Variants in CNOT10 observed in about 807,000 individuals in gnomAD.
CNOT10 encodes CCR4-NOT transcription complex subunit 10, also known as CCR4-NOT transcription complex, subunit 10.
Under a neutral mutation model 94.6 loss-of-function variants are expected in CNOT10, and 30 were observed. The ratio of observed to expected loss-of-function variants is 0.32; its 90% CI spans 0.24 to 0.43. The LOEUF (loss-of-function observed/expected upper bound fraction) is 0.43, where lower values mean the gene tolerates loss of function less well. Ranked by LOEUF, CNOT10 falls within the 20% of genes least tolerant of loss-of-function variation. The pLI is 1.00. For synonymous variants in CNOT10, 289 were observed against 301.6 expected (o/e 0.96, Z 0.43); for missense variants, 759 against 877.2 (o/e 0.87, Z 1.70).
intron 1 of CNOT10, among the ~76,000 whole-genome samples, chr3:32,703,321 C>A (rs1177499913): frequency 6.6e-6 from 1 of 151,958 alleles, no homozygotes; most frequent in African/African-American, 2.4e-5. Flanking sequence ...TACAGTAGTC[C>A]CCCACCTTTT....
At chr3:32,697,814 G>A (rs893756568) in intron 1 of CNOT10, among the ~76,000 whole-genome samples, 3 of 152,142 alleles carry the variant, frequency 2.0e-5, no homozygotes, top group East Asian at 1.9e-4. Flanking sequence ...AAACTCAATA[G>A]CAAACTAAGA....
intron 1 of CNOT10, chr3:32,695,816 A>G: frequency 6.5e-7 from 1 of 1,535,878 alleles, no homozygotes. Context: ...GATTATGTGC[A>G]GACTCTGTCT....
intron 9 of CNOT10, among the ~76,000 whole-genome samples, chr3:32,726,380 A>G (rs1007681802): frequency 6.6e-6 from 1 of 152,126 alleles, no homozygotes; most frequent in South Asian, 2.1e-4. Context: ...AAATCAAACA[A>G]TTATTTAGCT....
intron 3 of CNOT10, among the ~76,000 whole-genome samples, chr3:32,706,489 C>T (rs1292309778): frequency 2.0e-5 from 3 of 152,176 alleles, no homozygotes; most frequent in Non-Finnish European, 2.9e-5. Context: ...TTCTTTAAAT[C>T]ATACTTCTGT....
At chr3:32,705,118 A>G in intron 3 of CNOT10, 146 bp downstream of exon 3, 1 of 637,204 alleles carries the variant, frequency 1.6e-6, no homozygotes, top group South Asian at 2.8e-5. Flanking sequence ...CCGTAAAATT[A>G]TTATTCCAGG....
chr3:32,728,188 G>A (rs923822209), intron 10 of CNOT10, among the ~76,000 whole-genome samples: 1 of 151,608 alleles, frequency 6.6e-6, no homozygotes, highest in Non-Finnish European at 1.5e-5. Flanking sequence ...TAGAGACGAG[G>A]TTTCACCATG....
chr3:32,745,432 A>G (rs1012776589), intron 13 of CNOT10, among the ~76,000 whole-genome samples: 14 of 150,170 alleles, frequency 9.3e-5, no homozygotes, highest in East Asian at 2.0e-4. Context: ...TGAACCACTC[A>G]ATGCTGTATG....
rs141965854 is a variant in CNOT10 at position 32,747,093 on chromosome 3, G to A, written c.1595+9603G>A. On this transcript the variant is annotated intron_variant, in intron 13 of 18. Coordinates refer to ENST00000328834, the MANE Select transcript of CNOT10 (RefSeq NM_015442.3). ...GATTGTGCCACTGCACTCTAGCCTG[G>A]GCGACAGAGCAAGACTCTGTCTCAA... is the stretch of plus-strand genomic sequence containing the variant. Among the ~76,000 whole-genome samples the A allele has an allele frequency of 7.0e-3, 1,064 of 152,108 alleles. 17 individuals are homozygous for A. The highest frequency in any genetic ancestry group is 0.023 in the African/African-American group (953 of 41,514).
At chr3:32,730,838 G>C (rs1300595385) in intron 10 of CNOT10, 2 of 152,094 alleles carry the variant, frequency 1.3e-5, no homozygotes, top group Non-Finnish European at 2.9e-5. Flanking sequence ...TATAAATATG[G>C]GAAAAGATCT....
At chr3:32,739,994 G>T (rs1298875471) in intron 13 of CNOT10, among the ~76,000 whole-genome samples, 2 of 152,220 alleles carry the variant, frequency 1.3e-5, no homozygotes, top group African/African-American at 4.8e-5. Flanking sequence ...TAGCTGGCAG[G>T]CTGAGGTGGG....
intron 1 of CNOT10, among the ~76,000 whole-genome samples, chr3:32,687,468 T>TTTTTTTTTTTTTTTTGTG (rs1696673081): frequency 7.6e-6 from 1 of 131,654 alleles, no homozygotes; most frequent in African/African-American, 2.9e-5. Flanking sequence ...TTTTTTTTTT[T>TTTTTTTTTTTTTTTTGTG]TGAGACGGAG....
In CNOT10 at chr3:32,717,460, A is replaced by T. The variant is rs370461481; in HGVS notation, c.744+223A>T. 2.9e-3 allele frequency among the ~76,000 whole-genome samples: 443 copies of T among 152,242 alleles called. 5 individuals carry two copies. The highest frequency in any genetic ancestry group is 0.01 in the African/African-American group (425 of 41,544). On this transcript the variant is annotated intron_variant, in intron 7 of 18. Transcript: ENST00000328834. ...CACTTTTCTATTTTATGTAACCTTC[A>T]AAACCACCATTTTAAATAACTGCCT...
chr3:32,701,481 T>C (rs1697344708), intron 1 of CNOT10, among the ~76,000 whole-genome samples: 1 of 152,104 alleles, frequency 6.6e-6, no homozygotes, highest in South Asian at 2.1e-4. Flanking sequence ...AATCTCATGT[T>C]GAATTGTAAA....
Position 32,703,870 on chromosome 3 carries a change from C to T in CNOT10, c.25C>T (p.Gln9Ter). The part of the protein sequence containing the change: MAADKPAD[Q>*]GAEKHEGTGQ... ...CTGTAAAATTTGTGTGTTTGCAGATCAGGGAGCAGAGAAACATGAAGGCAC... is the reference window on the plus strand; with the variant it reads ...CTGTAAAATTTGTGTGTTTGCAGATTAGGGAGCAGAGAAACATGAAGGCAC... The change falls in exon 2 of 19, where the codon CAG becomes TAG. Residue 9 changes from glutamine (Q) to a stop codon, truncating the protein, a stop_gained and splice_region_variant. Transcript: ENST00000328834. LOFTEE classifies it high-confidence loss of function. 1 of 1,611,054 alleles carries T rather than the reference C, an allele frequency of 6.2e-7. No individual in the cohort carries two copies.
In CNOT10 at chr3:32,766,589, C is replaced by T. The variant is rs1316010638; in HGVS notation, c.2004+1780C>T. Among the ~76,000 whole-genome samples the T allele has an allele frequency of 2.6e-5, 3 of 114,042 alleles. 1 individual carries two copies. The highest frequency in any genetic ancestry group is 5.5e-5 in the Non-Finnish European group (3 of 54,958). The allele number at this position is 114,042 out of a possible 152,430, so 74.8% of individuals were successfully genotyped here. On this transcript the variant is annotated intron_variant, in intron 17 of 18. Transcript: ENST00000328834. ...TGGAGCTTGCAGTGAGCCAAGATCGCGCCACTGCACTCCAGCCCGGGCAAC... is the reference window on the plus strand; with the variant it reads ...TGGAGCTTGCAGTGAGCCAAGATCGTGCCACTGCACTCCAGCCCGGGCAAC...
At chr3:32,705,501 T>G (rs1379686278) in intron 3 of CNOT10, among the ~76,000 whole-genome samples, 1 of 152,256 alleles carries the variant, frequency 6.6e-6, no homozygotes, top group Non-Finnish European at 1.5e-5. Flanking sequence ...CTAGCATATG[T>G]TAAGTGTTCA....
At chr3:32,738,072 A>G (rs1477390568) in intron 13 of CNOT10, among the ~76,000 whole-genome samples, 1 of 152,194 alleles carries the variant, frequency 6.6e-6, no homozygotes, top group East Asian at 1.9e-4. Context: ...CTGACCATAT[A>G]AATGAGTTGA....
chr3:32,703,806 ATAAGGAGGGACCAC>A (rs1263127240), intron 1 of CNOT10, 48 bp from the exon 2 acceptor site: 3 of 1,125,310 alleles, frequency 2.7e-6, no homozygotes, highest in Non-Finnish European at 4.0e-6. Context: ...GTGAAACTGG[ATAAGGAGGGACCAC>A]TGTACAACTT....
intron 10 of CNOT10, among the ~76,000 whole-genome samples, chr3:32,729,784 T>G (rs1169721384): frequency 7.1e-5 from 10 of 140,700 alleles, no homozygotes; most frequent in Non-Finnish European, 1.2e-4. Context: ...TTTTTTTTTT[T>G]TTGAGACGGA....
Sources: allele counts gnomAD v4.1 joint callset (sites outside exome capture counted in the v4.1 genomes callset), GRCh38; gene constraint gnomAD v4.1.1; transcripts MANE v1.5; gene names NCBI Gene and HGNC (gene_info 2026-07-23, HGNC 2026-07-21).